The following PTCHD1 variants were observed in gnomAD, a reference collection of about 807,000 sequenced individuals.
The protein encoded by PTCHD1 is patched domain containing 1, also known as patched domain-containing protein 1.
In PTCHD1, 3 loss-of-function variants were observed where a neutral mutation model predicts 34.6. The observed-to-expected ratio is 0.09, with a 90% CI of 0.04 to 0.22. The LOEUF (loss-of-function observed/expected upper bound fraction) is 0.22, where lower values mean the gene tolerates loss of function less well. Ranked by LOEUF, PTCHD1 falls within the 10% of genes least tolerant of loss-of-function variation. PTCHD1 has a pLI of 1.00. For missense variants in PTCHD1, 504 were observed against 685.5 expected, an observed-to-expected ratio of 0.74 and a Z score of 2.96; for synonymous variants, 305 against 283.1, an observed-to-expected ratio of 1.08 and a Z score of -0.77.
chrX:23,344,793 T>C (rs1025488359), intron 1 of PTCHD1, among the ~76,000 whole-genome samples: 3 of 111,587 alleles, frequency 2.7e-5, no homozygotes, highest in African/African-American at 9.8e-5. Flanking sequence ...CCTTTTGAAT[T>C]AAAGGTTCTG....
Position 23,360,025 on chromosome X carries a change from T to G in PTCHD1, c.352-19566T>G, listed in dbSNP as rs941036737. On this transcript the variant is annotated intron_variant, in intron 1 of 2. Transcript: ENST00000379361. The stretch of plus-strand genomic sequence containing the variant: ...AACTTGATTGTGGTGGATAACCTTT[T>G]TGATGTGCTGCTAGATTCAGTTTAC... Among the ~76,000 whole-genome samples the G allele has an allele frequency of 2.7e-5, 3 of 112,197 alleles. No individual in the cohort carries two copies. The East Asian group carries it at 8.3e-4, about 31-fold the overall frequency.
At chrX:23,352,850 G>A (rs1361906304) in intron 1 of PTCHD1, among the ~76,000 whole-genome samples, 2 of 111,886 alleles carry the variant, frequency 1.8e-5, no homozygotes, top group African/African-American at 6.5e-5. Flanking sequence ...AGACTCTCAG[G>A]CTTCACCCAG....
intron 1 of PTCHD1, among the ~76,000 whole-genome samples, chrX:23,359,224 T>C (rs765105251): frequency 8.9e-6 from 1 of 112,470 alleles, no homozygotes; most frequent in Non-Finnish European, 1.9e-5. Context: ...ATTGAATCTA[T>C]AAATTACCTT....
intron 1 of PTCHD1, among the ~76,000 whole-genome samples, chrX:23,373,646 G>A: frequency 8.9e-6 from 1 of 112,308 alleles, no homozygotes; most frequent in Non-Finnish European, 1.9e-5. Flanking sequence ...AAAGAGAGTG[G>A]GTGAGAGTGA....
At chrX:23,351,146 C>T in intron 1 of PTCHD1, 1 of 593,709 alleles carries the variant, frequency 1.7e-6, no homozygotes, top group African/African-American at 2.3e-5. Flanking sequence ...AGCCAACATC[C>T]TTTTGGAGCC....
chrX:23,347,544 A>G (rs2146613914), intron 1 of PTCHD1, among the ~76,000 whole-genome samples: 1 of 112,537 alleles, frequency 8.9e-6, no homozygotes, highest in East Asian at 2.8e-4. Context: ...TCTTCCCTGT[A>G]AAGTCCTGTT....
chrX:23,335,040 G>C lies in PTCHD1; in HGVS notation c.165G>C (p.Leu55=). The change falls in exon 1 of 3, where the codon CTG becomes CTC. Residue 55 remains leucine, a synonymous_variant. Coordinates refer to ENST00000379361, the MANE Select transcript of PTCHD1 (RefSeq NM_173495.3). ...AGGTCGAGGAGAGCGTGGAGCACCTGCTGGCGCCCCAGCACAGCCTGGCCA... is the reference window on the plus strand; with the variant it reads ...AGGTCGAGGAGAGCGTGGAGCACCTCCTGGCGCCCCAGCACAGCCTGGCCA... The part of the protein sequence containing the change: ...RYQVEESVEH[L]LAPQHSLAKI... The C allele has an allele frequency of 1.7e-6, 2 of 1,211,466 alleles. No individual in the cohort carries two copies. The highest frequency in any genetic ancestry group is 2.2e-6 in the Non-Finnish European group (2 of 895,302).
Position 23,394,350 on chromosome X carries a change from C to A in PTCHD1, c.*165C>A. 1 of 404,681 alleles carries A rather than the reference C, an allele frequency of 2.5e-6. No homozygotes were observed. The highest frequency in any genetic ancestry group is 4.2e-6 in the Non-Finnish European group (1 of 239,614). 33.4% of individuals were successfully genotyped at this position (404,681 alleles called of 1,213,427 possible). On this transcript the variant is annotated 3_prime_UTR_variant, in exon 3 of 3. Transcript: ENST00000379361. The stretch of plus-strand genomic sequence containing the variant: ...GGAAAGGACAGTGGGGAGAAATGGG[C>A]CTGGCATATTTTCAGTCTTTAAAAC...
chrX:23,355,781 G>A (rs900242873), intron 1 of PTCHD1, among the ~76,000 whole-genome samples: 2 of 112,205 alleles, frequency 1.8e-5, no homozygotes, highest in Non-Finnish European at 3.8e-5. Context: ...GAGAAGAAAT[G>A]ATAGACTGAG....
In PTCHD1 at chrX:23,394,315, A is replaced by AG. The variant is rs1922917486; in HGVS notation, c.*130_*131insG. Reference sequence around the variant, plus strand: ...AACAGGCATTGCCAAAAAAAAAAAAAAAAAAAAAAGGAAAGGACAGTGGGG... The same window carrying AG: ...AACAGGCATTGCCAAAAAAAAAAAAAGAAAAAAAAAGGAAAGGACAGTGGGG... On this transcript the variant is annotated 3_prime_UTR_variant, in exon 3 of 3. Transcript: ENST00000379361. The AG allele has an allele frequency of 4.0e-6, 2 of 496,277 alleles. No individual in the cohort carries two copies. The highest frequency in any genetic ancestry group is 7.7e-5 in the East Asian group (2 of 25,869). 40.9% of individuals were successfully genotyped at this position (496,277 alleles called of 1,213,427 possible). A position where few individuals can be genotyped will look rare whatever the true frequency, so the allele number is the denominator to read the frequency against.
At chrX:23,385,370 CA>C (rs1161199749) in intron 2 of PTCHD1, among the ~76,000 whole-genome samples, 1 of 111,180 alleles carries the variant, frequency 9.0e-6, no homozygotes. Flanking sequence ...TCCAGGAAAG[CA>C]GAACTCAGTC....
At chrX:23,338,939 A>C (rs1273198285) in intron 1 of PTCHD1, among the ~76,000 whole-genome samples, 1 of 112,149 alleles carries the variant, frequency 8.9e-6, no homozygotes, top group African/African-American at 3.2e-5. Context: ...CCAAATACCC[A>C]AAGTAAAGCA....
Position 23,397,742 on chromosome X carries a change from G to A in PTCHD1, c.*3557G>A. ...TCACCCAATCGTAAGTGGCATTATG[G>A]GACCATGATACCACTTTTCTCCAGT... is the stretch of plus-strand genomic sequence containing the variant. On this transcript the variant is annotated 3_prime_UTR_variant, in exon 3 of 3. Coordinates refer to ENST00000379361, the MANE Select transcript of PTCHD1 (RefSeq NM_173495.3). 1 of 110,787 alleles carries A rather than the reference G, an allele frequency of 9.0e-6. No homozygotes were observed. The highest frequency in any genetic ancestry group is 9.6e-5 in the Admixed American group (1 of 10,401). 9.1% of individuals were successfully genotyped at this position (110,787 alleles called of 1,213,427 possible). A position where few individuals can be genotyped will look rare whatever the true frequency, so the allele number is the denominator to read the frequency against.
chrX:23,345,124 C>G (rs1025881301), intron 1 of PTCHD1, among the ~76,000 whole-genome samples: 1 of 111,867 alleles, frequency 8.9e-6, no homozygotes, highest in African/African-American at 3.3e-5. Context: ...GCTTCCCCAC[C>G]TACCCCTTTA....
intron 1 of PTCHD1, among the ~76,000 whole-genome samples, chrX:23,348,997 G>A (rs1476172266): frequency 8.9e-6 from 1 of 111,903 alleles, no homozygotes; most frequent in Non-Finnish European, 1.9e-5. Context: ...ATGAATGGCA[G>A]CCATGTCACA....
At chrX:23,379,096 T>C (rs774087935) in intron 1 of PTCHD1, among the ~76,000 whole-genome samples, 1 of 112,277 alleles carries the variant, frequency 8.9e-6, no homozygotes, top group African/African-American at 3.2e-5. Context: ...CAGCAGAGGA[T>C]CTCTGCATTT....
Position 23,397,051 on chromosome X carries a change from A to G in PTCHD1, c.*2866A>G, listed in dbSNP as rs1202000668. The G allele has an allele frequency of 9.0e-6, 1 of 111,588 alleles. No homozygotes were observed. Among genetic ancestry groups the G allele is most frequent in the Non-Finnish European group, 1.9e-5 (1 of 53,141 alleles). 9.2% of individuals were successfully genotyped at this position (111,588 alleles called of 1,213,427 possible). A position where few individuals can be genotyped will look rare whatever the true frequency, so the allele number is the denominator to read the frequency against. ...GAAGAAGCTGTGTTTTTTTTCTTTC[A>G]ATTAATTCCAACCAAGACATTAACG... On this transcript the variant is annotated 3_prime_UTR_variant, in exon 3 of 3. Coordinates refer to ENST00000379361, the MANE Select transcript of PTCHD1 (RefSeq NM_173495.3).
chrX:23,346,326 T>A (rs1921477204), intron 1 of PTCHD1, among the ~76,000 whole-genome samples: 1 of 110,891 alleles, frequency 9.0e-6, no homozygotes, highest in Non-Finnish European at 1.9e-5. Context: ...GCAGTGGGGT[T>A]TTGCAGTAGG....
At position 23,335,185 on chromosome X, in the gene PTCHD1, G is replaced by A. The variant is rs1336230916; in HGVS notation, c.310G>A (p.Ala104Thr). The A allele has an allele frequency of 5.0e-6, 6 of 1,210,777 alleles. No homozygotes were observed. The African/African-American group carries it at 1.0e-4, about 21-fold the overall frequency. ...GRVIVTSFQKANMLDQHHTDL... is the reference protein window; with the variant it reads ...GRVIVTSFQKTNMLDQHHTDL... ...GGTCATCGTCACCTCCTTCCAGAAA[G>A]CCAACATGCTGGACCAGCATCACAC... Residue 104 changes from alanine (A) to threonine (T), a missense_variant, in exon 1 of 3, where the codon GCC (alanine) becomes ACC (threonine). Ala to Thr is a moderately conservative substitution (Grantham distance 58). Coordinates refer to ENST00000379361, the MANE Select transcript of PTCHD1 (RefSeq NM_173495.3).
Sources: allele counts gnomAD v4.1 joint callset (sites outside exome capture counted in the v4.1 genomes callset), GRCh38; gene constraint gnomAD v4.1.1; transcripts MANE v1.5; gene names NCBI Gene and HGNC (gene_info 2026-07-23, HGNC 2026-07-21).